The following NEGR1 variants were observed in gnomAD, a reference collection of about 807,000 sequenced individuals.
NEGR1 encodes IgLON family member 4.
Under a neutral mutation model 40.9 loss-of-function variants are expected in NEGR1, and 10 were observed. The ratio of observed to expected loss-of-function variants is 0.24; its 90% CI spans 0.15 to 0.42. NEGR1 has a LOEUF of 0.42. Among genes scored for constraint, NEGR1 ranks in the 10% least tolerant of loss-of-function variants. The pLI is 1.00. For missense variants in NEGR1, 352 were observed against 438.9 expected (o/e 0.80, Z 1.77); for synonymous variants, 185 against 166.8 (o/e 1.11, Z -0.84).
At chr1:71,550,224 A>G (rs758437628) in intron 6 of NEGR1, among the ~76,000 whole-genome samples, 1 of 151,558 alleles carries the variant, frequency 6.6e-6, no homozygotes, top group Non-Finnish European at 1.5e-5. Flanking sequence ...TTCTCCATCT[A>G]TGATCATTTC....
At chr1:72,220,914 G>GTTTTTT in intron 1 of NEGR1, among the ~76,000 whole-genome samples, 1 of 140,788 alleles carries the variant, frequency 7.1e-6, no homozygotes. Context: ...CCTACCTAAA[G>GTTTTTT]TTTTTTTTTT....
chr1:71,765,256 T>C (rs1425676038), intron 3 of NEGR1, among the ~76,000 whole-genome samples: 8 of 152,142 alleles, frequency 5.3e-5, no homozygotes, highest in African/African-American at 1.9e-4. Flanking sequence ...TGAATTGGGC[T>C]ACAAAATTTT....
At chr1:72,228,798 T>C (rs896945937) in intron 1 of NEGR1, among the ~76,000 whole-genome samples, 9 of 152,256 alleles carry the variant, frequency 5.9e-5, no homozygotes, top group Admixed American at 4.6e-4. Flanking sequence ...TCTAATTCTG[T>C]GGCATTTTAA....
At chr1:71,514,950 G>A (rs1441310807) in intron 6 of NEGR1, among the ~76,000 whole-genome samples, 35 of 97,186 alleles carry the variant, frequency 3.6e-4, no homozygotes, top group Non-Finnish European at 3.8e-4. Context: ...GAGCCGATGC[G>A]ATCAACTGGA....
chr1:71,413,715 A>G (rs965672860), intron 6 of NEGR1, among the ~76,000 whole-genome samples: 5 of 152,152 alleles, frequency 3.3e-5, no homozygotes, highest in African/African-American at 1.2e-4. Context: ...GGTATGAAGC[A>G]AAAGTGTCCA....
chr1:72,204,942 A>G (rs969372088), intron 1 of NEGR1, among the ~76,000 whole-genome samples: 1 of 151,914 alleles, frequency 6.6e-6, no homozygotes, highest in African/African-American at 2.4e-5. Flanking sequence ...AAGGGCACAC[A>G]ACAATGCTTA....
chr1:71,999,319 T>C (rs1320786456), intron 1 of NEGR1, among the ~76,000 whole-genome samples: 1 of 151,922 alleles, frequency 6.6e-6, no homozygotes, highest in Non-Finnish European at 1.5e-5. Context: ...TCATGTTTAA[T>C]AATGTCCACT....
intron 6 of NEGR1, among the ~76,000 whole-genome samples, chr1:71,455,787 T>C (rs1025068735): frequency 2.0e-5 from 3 of 152,194 alleles, no homozygotes; most frequent in Admixed American, 1.3e-4. Context: ...TTTTTATGTC[T>C]CCAAGTTAAA....
chr1:72,269,669 C>CT (rs1655776929), intron 1 of NEGR1, among the ~76,000 whole-genome samples: 1 of 151,636 alleles, frequency 6.6e-6, no homozygotes, highest in African/African-American at 2.4e-5. Context: ...ATACCTAACT[C>CT]TAAGTGATGT....
chr1:72,040,810 A>G (rs185621458), intron 1 of NEGR1, among the ~76,000 whole-genome samples: 1 of 151,972 alleles, frequency 6.6e-6, no homozygotes, highest in East Asian at 1.9e-4. Context: ...AGCACTTTAA[A>G]TTTGGTTAAA....
chr1:71,960,060 AG>A (rs1646151796), intron 1 of NEGR1, among the ~76,000 whole-genome samples: 1 of 152,170 alleles, frequency 6.6e-6, no homozygotes. Flanking sequence ...TTTCATAGGT[AG>A]GAAGTAGGGC....
chr1:71,827,820 T>C (rs534568977), intron 2 of NEGR1, among the ~76,000 whole-genome samples: 3 of 151,926 alleles, frequency 2.0e-5, no homozygotes, highest in Admixed American at 2.0e-4. Flanking sequence ...ATCTTCAAGG[T>C]TTTTTTCTTT....
intron 1 of NEGR1, among the ~76,000 whole-genome samples, chr1:72,198,550 C>T (rs749013996): frequency 3.9e-4 from 60 of 151,962 alleles, no homozygotes; most frequent in Non-Finnish European, 6.9e-4. Flanking sequence ...TCTTTTTTAA[C>T]GTACAGCCAT....
At chr1:71,814,658 C>A (rs980143064) in intron 2 of NEGR1, among the ~76,000 whole-genome samples, 6 of 151,830 alleles carry the variant, frequency 4.0e-5, no homozygotes, top group Non-Finnish European at 7.4e-5. Flanking sequence ...ATGTATCCAG[C>A]AATTTATCCA....
intron 1 of NEGR1, among the ~76,000 whole-genome samples, chr1:72,125,462 TA>T (rs138279972): frequency 6.6e-6 from 1 of 151,340 alleles, no homozygotes; most frequent in Non-Finnish European, 1.5e-5. Context: ...CGTGGCCAAA[TA>T]AAAAAAAATT....
At chr1:72,132,324 A>G (rs952686845) in intron 1 of NEGR1, among the ~76,000 whole-genome samples, 8 of 152,132 alleles carry the variant, frequency 5.3e-5, no homozygotes, top group African/African-American at 1.9e-4. Flanking sequence ...CCAGTTTAGA[A>G]GAAGAAAACC....
chr1:72,264,727 A>G (rs1275648399), intron 1 of NEGR1, among the ~76,000 whole-genome samples: 3 of 150,874 alleles, frequency 2.0e-5, no homozygotes, highest in Non-Finnish European at 4.5e-5. Flanking sequence ...TTAATGACAG[A>G]AAATACAGCC....
chr1:71,487,574 T>C (rs993652989), intron 6 of NEGR1, among the ~76,000 whole-genome samples: 1 of 151,770 alleles, frequency 6.6e-6, no homozygotes, highest in Non-Finnish European at 1.5e-5. Context: ...CATTTTTGTA[T>C]CATTAGCCAA....
intron 3 of NEGR1, among the ~76,000 whole-genome samples, chr1:71,742,302 T>A (rs1254935330): frequency 6.6e-6 from 1 of 152,016 alleles, no homozygotes; most frequent in Non-Finnish European, 1.5e-5. Flanking sequence ...ATGACCCCTG[T>A]CAAGTAGAGC....
Sources: gnomAD v4.1 joint callset for allele counts (sites outside exome capture counted in the v4.1 genomes callset) on GRCh38, gnomAD v4.1.1 for gene constraint, MANE v1.5 for transcripts, NCBI Gene and HGNC (gene_info 2026-07-23, HGNC 2026-07-21) for gene names.